Variants in ITGA9 observed in about 807,000 individuals in gnomAD.
The protein encoded by ITGA9 is integrin alpha-9.
ITGA9 carries 56 observed loss-of-function variants against 127.8 expected under a neutral mutation model. The ratio of observed to expected loss-of-function variants is 0.44; its 90% CI spans 0.35 to 0.55. The LOEUF (loss-of-function observed/expected upper bound fraction) is 0.55, where lower values mean the gene tolerates loss of function less well. Ranked by LOEUF, ITGA9 falls within the 20% of genes least tolerant of loss-of-function variation. ITGA9 has a pLI of 0.00. For synonymous variants in ITGA9, 508 were observed against 514.5 expected (o/e 0.99, Z 0.17); for missense variants, 1,196 against 1,347.1 (o/e 0.89, Z 1.76).
chr3:37,636,343 A>G (rs941092707), intron 16 of ITGA9, among the ~76,000 whole-genome samples: 1 of 152,172 alleles, frequency 6.6e-6, no homozygotes, highest in African/African-American at 2.4e-5. Flanking sequence ...GTGAGATGGT[A>G]TCTCATTGTG....
chr3:37,577,178 AC>A (rs1377610569), intron 15 of ITGA9, among the ~76,000 whole-genome samples: 1 of 152,142 alleles, frequency 6.6e-6, no homozygotes, highest in Non-Finnish European at 1.5e-5. Flanking sequence ...ACATGACACC[AC>A]CCTGTGGGAT....
Position 37,772,443 on chromosome 3 carries a change from C to T in ITGA9, c.2542-4949C>T, listed in dbSNP as rs144783946. Reference sequence around the variant, plus strand: ...CAAAAATGTGGGGACAGTAATAGCACCTGCTTCAGGGAACTGCTGTGAGGA... The same window carrying T: ...CAAAAATGTGGGGACAGTAATAGCATCTGCTTCAGGGAACTGCTGTGAGGA... On this transcript the variant is annotated intron_variant, in intron 23 of 27. Coordinates refer to ENST00000264741, the MANE Select transcript of ITGA9 (RefSeq NM_002207.3). Among the ~76,000 whole-genome samples the T allele has an allele frequency of 4.4e-3, 674 of 152,018 alleles. 1 individual carries two copies. The highest frequency in any genetic ancestry group is 6.4e-3 in the Non-Finnish European group (434 of 67,972).
At chr3:37,556,679 A>G (rs1699434065) in intron 15 of ITGA9, among the ~76,000 whole-genome samples, 1 of 152,246 alleles carries the variant, frequency 6.6e-6, no homozygotes, top group African/African-American at 2.4e-5. Context: ...CTGCTGGTCC[A>G]TAGACCACAA....
intron 18 of ITGA9, among the ~76,000 whole-genome samples, chr3:37,692,437 G>A (rs567585579): frequency 4.9e-4 from 74 of 151,964 alleles, no homozygotes; most frequent in Middle Eastern, 3.4e-3. Flanking sequence ...GTGTGTGTGT[G>A]TGTGTGTCTA....
chr3:37,633,712 T>C (rs989063895), intron 16 of ITGA9, among the ~76,000 whole-genome samples: 1 of 152,212 alleles, frequency 6.6e-6, no homozygotes, highest in African/African-American at 2.4e-5. Flanking sequence ...GCCACTGCGG[T>C]ATTAACACTC....
At chr3:37,763,417 CCT>C (rs1696744868) in intron 23 of ITGA9, among the ~76,000 whole-genome samples, 1 of 152,136 alleles carries the variant, frequency 6.6e-6, no homozygotes, top group South Asian at 2.1e-4. Flanking sequence ...TGATTTCAGC[CCT>C]GTTTGATTTC....
Position 37,517,487 on chromosome 3 carries a change from T to A in ITGA9, c.1036-17T>A. On this transcript the variant is annotated splice_polypyrimidine_tract_variant and intron_variant, in intron 9 of 27. Transcript: ENST00000264741. ...TTTTGTTTTGTTTTCCATTTTCTCC[T>A]CCATCCTGTTTCCCAGGGAGCCCTC... 6.5e-7 allele frequency: 1 copy of A among 1,540,308 alleles called. No homozygotes were observed. The highest frequency in any genetic ancestry group is 8.8e-7 in the Non-Finnish European group (1 of 1,130,222).
At chr3:37,765,616 A>T (rs1696771070) in intron 23 of ITGA9, among the ~76,000 whole-genome samples, 1 of 152,160 alleles carries the variant, frequency 6.6e-6, no homozygotes, top group Admixed American at 6.5e-5. Context: ...TGAATTCTGG[A>T]ACAAAAGTTA....
At chr3:37,729,024 A>C (rs1195771471) in intron 18 of ITGA9, among the ~76,000 whole-genome samples, 2 of 151,980 alleles carry the variant, frequency 1.3e-5, no homozygotes, top group Non-Finnish European at 2.9e-5. Flanking sequence ...ATCAGAGGCT[A>C]CGGAATGCTT....
At chr3:37,457,089 GA>G (rs1203055116) in intron 1 of ITGA9, among the ~76,000 whole-genome samples, 3 of 151,888 alleles carry the variant, frequency 2.0e-5, no homozygotes, top group Non-Finnish European at 2.9e-5. Context: ...AAAAGAAAAA[GA>G]AAAAAAATCA....
intron 15 of ITGA9, among the ~76,000 whole-genome samples, chr3:37,545,274 T>C (rs1394940568): frequency 6.6e-6 from 1 of 152,126 alleles, no homozygotes; most frequent in Non-Finnish European, 1.5e-5. Context: ...ACCATATGGC[T>C]AGCAGACAGT....
chr3:37,713,168 G>C (rs1250092020), intron 18 of ITGA9, among the ~76,000 whole-genome samples: 1 of 152,182 alleles, frequency 6.6e-6, no homozygotes, highest in African/African-American at 2.4e-5. Context: ...TGGGATGATG[G>C]CTCGCTGATG....
At chr3:37,719,362 C>T (rs1177754019) in intron 18 of ITGA9, among the ~76,000 whole-genome samples, 1 of 152,170 alleles carries the variant, frequency 6.6e-6, no homozygotes, top group Non-Finnish European at 1.5e-5. Context: ...ACAGGTTGAT[C>T]TGTGGAGATA....
At chr3:37,457,724 G>T (rs1363379503) in intron 1 of ITGA9, among the ~76,000 whole-genome samples, 1 of 152,190 alleles carries the variant, frequency 6.6e-6, no homozygotes, top group African/African-American at 2.4e-5. Flanking sequence ...GATCCAAAAA[G>T]CATCTTCTCG....
chr3:37,660,794 G>C (rs1015954771), intron 17 of ITGA9, among the ~76,000 whole-genome samples: 1 of 152,202 alleles, frequency 6.6e-6, no homozygotes, highest in Non-Finnish European at 1.5e-5. Context: ...TGGCTGATTT[G>C]TCCATGCATC....
At chr3:37,735,220 T>A (rs1696345108) in intron 19 of ITGA9, among the ~76,000 whole-genome samples, 1 of 152,206 alleles carries the variant, frequency 6.6e-6, no homozygotes. Flanking sequence ...ACTGTGCTCT[T>A]TAATGTTTTT....
chr3:37,640,776 C>T (rs1700325221), intron 16 of ITGA9, among the ~76,000 whole-genome samples: 1 of 152,220 alleles, frequency 6.6e-6, no homozygotes, highest in African/African-American at 2.4e-5. Flanking sequence ...GAGATCAGGG[C>T]CCTGGCCCAG....
At chr3:37,476,843 C>T (rs1260374581) in intron 3 of ITGA9, among the ~76,000 whole-genome samples, 1 of 152,120 alleles carries the variant, frequency 6.6e-6, no homozygotes, top group East Asian at 1.9e-4. Context: ...CCAAATCTAC[C>T]CACTTTCATT....
At chr3:37,748,775 G>A in intron 22 of ITGA9, 1 of 623,606 alleles carries the variant, frequency 1.6e-6, no homozygotes, top group Non-Finnish European at 2.9e-6. Flanking sequence ...AAAGAAGGAA[G>A]CCAAACAGAA....
Sources: gnomAD v4.1 joint callset for allele counts (sites outside exome capture counted in the v4.1 genomes callset) on GRCh38, gnomAD v4.1.1 for gene constraint, MANE v1.5 for transcripts, NCBI Gene and HGNC (gene_info 2026-07-23, HGNC 2026-07-21) for gene names.